ST7L: variants seen among roughly 807,000 people sequenced by gnomAD.
ST7L encodes the protein suppression of tumorigenicity 7 like.
A neutral mutation model predicts 72.5 loss-of-function variants in ST7L; 57 were observed. The observed-to-expected ratio is 0.79, with a 90% confidence interval of 0.64 to 0.98. The LOEUF (loss-of-function observed/expected upper bound fraction) is 0.98, where lower values mean the gene tolerates loss of function less well. Among genes scored for constraint, ST7L ranks in the 50% least tolerant of loss-of-function variants. The pLI, the probability that ST7L is intolerant of heterozygous loss-of-function variation, is 0.00. For missense variants in ST7L, 576 were observed against 672.2 expected (o/e 0.86, Z 1.58); for synonymous variants, 221 against 240.9 (o/e 0.92, Z 0.77).
At chr1:112,608,683 C>T (rs1379225928) in intron 3 of ST7L, among the ~76,000 whole-genome samples, 1 of 152,062 alleles carries the variant, frequency 6.6e-6, no homozygotes, top group East Asian at 1.9e-4. Context: ...GTATCGTATT[C>T]ATCTTAATAT....
chr1:112,532,862 A>T (rs546384564), intron 14 of ST7L, among the ~76,000 whole-genome samples: 7 of 152,316 alleles, frequency 4.6e-5, no homozygotes, highest in African/African-American at 1.7e-4. Context: ...ATGAGCATTA[A>T]GGAACACACC....
At chr1:112,535,396 AGAAGAAGAAGAAGAAGAAGAAGAAGAT>A (rs893048135) in intron 14 of ST7L, among the ~76,000 whole-genome samples, 1 of 142,352 alleles carries the variant, frequency 7.0e-6, no homozygotes, top group Non-Finnish European at 1.5e-5. Context: ...AATAATAATA[AGAAGAAGAAGAAGAAGAAGAAGAAGAT>A]GAAGAAGAAG....
intron 3 of ST7L, among the ~76,000 whole-genome samples, chr1:112,609,423 T>C (rs879601142): frequency 1.3e-5 from 2 of 151,136 alleles, no homozygotes; most frequent in African/African-American, 2.4e-5. Context: ...TTCAGCTACT[T>C]GGGAGGCTGA....
intron 6 of ST7L, among the ~76,000 whole-genome samples, chr1:112,587,558 G>A (rs913082192): frequency 5.3e-5 from 8 of 152,164 alleles, no homozygotes; most frequent in African/African-American, 9.7e-5. Context: ...AGCCGAGATC[G>A]TGCCATTGCA....
chr1:112,618,736 G>T, intron 1 of ST7L, 173 bp downstream of exon 1: 1 of 1,334,648 alleles, frequency 7.5e-7, no homozygotes, highest in Non-Finnish European at 1.0e-6. Flanking sequence ...ACGGCAGCAG[G>T]CTTGTCAATC....
chr1:112,535,112 C>A (rs1430087080), intron 14 of ST7L, among the ~76,000 whole-genome samples: 1 of 152,160 alleles, frequency 6.6e-6, no homozygotes, highest in Non-Finnish European at 1.5e-5. Flanking sequence ...GTGGCTCACA[C>A]CTGTAATCCC....
downstream of ST7L, chr1:112,521,277 T>G (rs1166799270): frequency 6.6e-6 from 1 of 151,580 alleles, no homozygotes; most frequent in Admixed American, 6.6e-5. Flanking sequence ...CTAGGATAGA[T>G]TAATGTAGTA....
chr1:112,585,163 T>C (rs1664683932), intron 6 of ST7L, among the ~76,000 whole-genome samples: 1 of 152,234 alleles, frequency 6.6e-6, no homozygotes, highest in Non-Finnish European at 1.5e-5. Context: ...AATAAACTAA[T>C]GCTTGTTTTG....
intron 14 of ST7L, chr1:112,528,819 T>C (rs1002657288): frequency 1.3e-5 from 2 of 152,190 alleles, no homozygotes; most frequent in Non-Finnish European, 2.9e-5. Context: ...TCTGAGGCCA[T>C]AGTGAATAGA....
intron 14 of ST7L, among the ~76,000 whole-genome samples, chr1:112,537,368 G>A (rs138969301): frequency 0.011 from 1,711 of 152,290 alleles, 14 homozygotes; most frequent in Non-Finnish European, 0.018. Flanking sequence ...CCACAAGTCT[G>A]AGTTTGTCAG....
intron 4 of ST7L, among the ~76,000 whole-genome samples, chr1:112,600,174 G>A (rs1464378966): frequency 1.3e-5 from 2 of 152,012 alleles, no homozygotes; most frequent in Admixed American, 1.3e-4. Context: ...CCAAGTAGCT[G>A]GGATTACAGG....
chr1:112,569,391 T>C (rs1381368191), intron 11 of ST7L, among the ~76,000 whole-genome samples: 1 of 152,150 alleles, frequency 6.6e-6, no homozygotes, highest in Non-Finnish European at 1.5e-5. Flanking sequence ...ATGAAGGAAG[T>C]ACTGACATAT....
intron 1 of ST7L, chr1:112,617,894 T>G: frequency 1.2e-6 from 1 of 843,634 alleles, no homozygotes; most frequent in Non-Finnish European, 1.7e-6. Flanking sequence ...CATTCACCTG[T>G]TACAGAGATG....
chr1:112,605,704 G>C (rs1475581849), intron 3 of ST7L, among the ~76,000 whole-genome samples: 1 of 151,752 alleles, frequency 6.6e-6, no homozygotes, highest in Non-Finnish European at 1.5e-5. Flanking sequence ...AAAAAAAAGA[G>C]AAAAAGCTTG....
chr1:112,574,777 T>A (rs1662833941), intron 11 of ST7L, among the ~76,000 whole-genome samples: 1 of 151,768 alleles, frequency 6.6e-6, no homozygotes, highest in East Asian at 1.9e-4. Flanking sequence ...TACCTTTAGG[T>A]AGGAAGGGAG....
intron 3 of ST7L, among the ~76,000 whole-genome samples, chr1:112,604,542 G>A (rs1379518255): frequency 6.6e-6 from 1 of 151,932 alleles, no homozygotes; most frequent in East Asian, 1.9e-4. Flanking sequence ...ACATAGGATA[G>A]ACATCCCCAT....
At chr1:112,615,623 A>G (rs1481517421) in intron 2 of ST7L, among the ~76,000 whole-genome samples, 1 of 152,202 alleles carries the variant, frequency 6.6e-6, no homozygotes, top group Non-Finnish European at 1.5e-5. Flanking sequence ...ACAGTGTGCT[A>G]TAATGGTGCC....
intron 14 of ST7L, among the ~76,000 whole-genome samples, chr1:112,533,272 T>C (rs938476378): frequency 8.5e-5 from 13 of 152,172 alleles, no homozygotes; most frequent in African/African-American, 2.2e-4. Flanking sequence ...GCAAGAGGAA[T>C]GACATTGGAA....
chr1:112,554,761 A>T (rs947696625), intron 12 of ST7L, among the ~76,000 whole-genome samples: 16 of 150,320 alleles, frequency 1.1e-4, no homozygotes, highest in African/African-American at 3.8e-4. Context: ...ATGAATGGAT[A>T]AAAAAAATGT....
Sources: allele counts gnomAD v4.1 joint callset (sites outside exome capture counted in the v4.1 genomes callset), GRCh38; gene constraint gnomAD v4.1.1; transcripts MANE v1.5; gene names NCBI Gene and HGNC (gene_info 2026-07-23, HGNC 2026-07-21).